The following WDR89 variants were observed in gnomAD, a reference collection of about 807,000 sequenced individuals.
The protein encoded by WDR89 is WD repeat domain 89, also known as WD repeat-containing protein 89.
A neutral mutation model predicts 29.1 loss-of-function variants in WDR89; 17 were observed. The observed-to-expected ratio is 0.58, with a 90% CI of 0.40 to 0.88. The LOEUF is 0.88. Among genes scored for constraint, WDR89 ranks in the 40% least tolerant of loss-of-function variants. The probability of loss-of-function intolerance (pLI) is 0.00; values close to 1 mark genes in which losing one functional copy is unlikely to be tolerated. For missense variants in WDR89, 396 were observed against 456.3 expected (o/e 0.87, Z 1.20); for synonymous variants, 138 against 157.8 (o/e 0.87, Z 0.94).
chr14:63,609,774 G>C (rs1269338197), intron 2 of WDR89, among the ~76,000 whole-genome samples: 2 of 151,658 alleles, frequency 1.3e-5, no homozygotes, highest in Non-Finnish European at 2.9e-5. Context: ...TGGAGACAGA[G>C]AGAAACTGTC....
intron 2 of WDR89, among the ~76,000 whole-genome samples, chr14:63,600,312 G>A (rs1485471935): frequency 6.6e-6 from 1 of 151,806 alleles, no homozygotes; most frequent in Admixed American, 6.6e-5. Context: ...TGAGCAACAT[G>A]GGGAGACCCC....
At position 63,617,387 on chromosome 14, in the gene WDR89, C is replaced by T. The variant is rs1882387824; in HGVS notation, c.-32+7541G>A. On this transcript the variant is annotated intron_variant, in intron 2 of 2. Coordinates refer to ENST00000620954, the MANE Select transcript of WDR89 (RefSeq NM_080666.4). ...TGCGCCACTGTGCCTGGCCTAATTA[C>T]AAGCTTTTAAGATAAGATGATTAAC... Among the ~76,000 whole-genome samples the T allele has an allele frequency of 4.0e-5, 6 of 151,452 alleles. No individual in the cohort carries two copies. In the South Asian group the frequency reaches 1.3e-3, roughly 32 times the overall value.
intron 2 of WDR89, among the ~76,000 whole-genome samples, chr14:63,613,584 A>G (rs939176055): frequency 3.3e-5 from 5 of 150,332 alleles, no homozygotes; most frequent in Admixed American, 2.7e-4. Context: ...GCTCACTGCA[A>G]CCTCCACCTC....
At chr14:63,641,146 C>T (rs951325765) in intron 1 of WDR89, among the ~76,000 whole-genome samples, 2 of 143,998 alleles carry the variant, frequency 1.4e-5, no homozygotes, top group African/African-American at 5.1e-5. Flanking sequence ...AAAAAGAAAA[C>T]AGGAGCAACA....
At position 63,599,331 on chromosome 14, in the gene WDR89, A is replaced by C. The variant is rs765012400; in HGVS notation, c.612T>G (p.Asn204Lys). The C allele has an allele frequency of 1.2e-5, 20 of 1,614,138 alleles. No individual in the cohort carries two copies. The South Asian group carries it at 2.2e-4, about 18-fold the overall frequency. ...LVNVFDINIDNEEDALVTTCN... is the reference protein window; with the variant it reads ...LVNVFDINIDKEEDALVTTCN... The stretch of plus-strand genomic sequence containing the variant: ...AGGTTGTAACCAGTGCATCCTCCTC[A>C]TTATCAATATTAATATCAAATACAT... Residue 204 changes from asparagine to lysine, a missense_variant, in exon 3 of 3, where the codon AAT (asparagine) becomes AAG (lysine). Asn to Lys is a moderately conservative substitution (Grantham distance 94). Transcript: ENST00000620954.
At chr14:63,607,533 C>T (rs917171048) in intron 2 of WDR89, among the ~76,000 whole-genome samples, 1 of 152,074 alleles carries the variant, frequency 6.6e-6, no homozygotes, top group African/African-American at 2.4e-5. Flanking sequence ...ATTATATTCC[C>T]CAAAAGTTAT....
At chr14:63,602,549 G>T (rs1895120124) in intron 2 of WDR89, among the ~76,000 whole-genome samples, 1 of 149,646 alleles carries the variant, frequency 6.7e-6, no homozygotes, top group African/African-American at 2.5e-5. Flanking sequence ...AAGGCGGGCA[G>T]ATCACCTGAG....
At chr14:63,607,325 G>A (rs1441277432) in intron 2 of WDR89, among the ~76,000 whole-genome samples, 1 of 151,968 alleles carries the variant, frequency 6.6e-6, no homozygotes, top group Admixed American at 6.6e-5. Context: ...ACCATGCCCG[G>A]CTAATTGTTT....
intron 2 of WDR89, among the ~76,000 whole-genome samples, chr14:63,604,629 T>C (rs565892868): frequency 1.3e-5 from 2 of 152,196 alleles, no homozygotes; most frequent in Non-Finnish European, 2.9e-5. Flanking sequence ...AATGGCACCA[T>C]ATTTATATGT....
intron 1 of WDR89, among the ~76,000 whole-genome samples, chr14:63,629,597 T>C (rs1883269480): frequency 6.6e-6 from 1 of 152,176 alleles, no homozygotes; most frequent in South Asian, 2.1e-4. Context: ...ATGCTGACTA[T>C]GAGGACAGAC....
At chr14:63,604,666 C>T (rs1595017291) in intron 2 of WDR89, among the ~76,000 whole-genome samples, 1 of 152,182 alleles carries the variant, frequency 6.6e-6, no homozygotes, top group Non-Finnish European at 1.5e-5. Context: ...GCTCTTTTCA[C>T]TCAATATAAT....
At position 63,599,308 on chromosome 14, in the gene WDR89, G is replaced by A; in HGVS notation, c.635C>T (p.Thr212Ile). The A allele has an allele frequency of 6.2e-7, 1 of 1,613,912 alleles. No individual in the cohort carries two copies. The highest frequency in any genetic ancestry group is 8.5e-7 in the Non-Finnish European group (1 of 1,180,020). ...IDNEEDALVT[T>I]CNSISSVSCI... is the part of the protein sequence containing the mutation. The stretch of plus-strand genomic sequence containing the variant: ...GCTTACTGATGAAATTGAGTTACAG[G>A]TTGTAACCAGTGCATCCTCCTCATT... The change falls in exon 3 of 3, where the codon ACC becomes ATC. Residue 212 changes from threonine (T) to isoleucine (I), a missense_variant. By Grantham distance (89) the Thr-to-Ile change is moderately conservative. Transcript: ENST00000620954.
At chr14:63,623,158 A>G (rs1882805501) in intron 2 of WDR89, among the ~76,000 whole-genome samples, 2 of 146,428 alleles carry the variant, frequency 1.4e-5, no homozygotes, top group Admixed American at 1.4e-4. Flanking sequence ...AGATCGCCCT[A>G]TTGCACTCCA....
intron 1 of WDR89, among the ~76,000 whole-genome samples, chr14:63,627,164 T>A (rs949312894): frequency 1.4e-4 from 20 of 142,836 alleles, no homozygotes; most frequent in Admixed American, 4.2e-4. Context: ...TCTCTCTCTC[T>A]CTCTCTCTCT....
At chr14:63,625,216 T>C (rs969215096) in intron 1 of WDR89, among the ~76,000 whole-genome samples, 183 bp from the exon 2 acceptor site, 24 of 152,180 alleles carry the variant, frequency 1.6e-4, no homozygotes, top group African/African-American at 5.8e-4. Flanking sequence ...AAAGCGTATA[T>C]ATTGTATGAT....
chr14:63,639,967 C>A (rs949987302), intron 1 of WDR89, among the ~76,000 whole-genome samples: 7 of 152,130 alleles, frequency 4.6e-5, no homozygotes, highest in Non-Finnish European at 1.5e-5. Context: ...GGAAAAACAC[C>A]CTGTATTTAC....
In WDR89 at chr14:63,610,219, T is replaced by TA. The variant is rs56984803; in HGVS notation, c.-31-10247dup. Among the ~76,000 whole-genome samples the TA allele has an allele frequency of 9.0e-3, 585 of 65,092 alleles. 18 individuals carry two copies. The highest frequency in any genetic ancestry group is 0.015 in the African/African-American group (207 of 13,920). 42.7% of individuals were successfully genotyped at this position (65,092 alleles called of 152,430 possible). On this transcript the variant is annotated intron_variant, in intron 2 of 2. Transcript: ENST00000620954. ...GGGGCGACAGAGTAAGACTCTGTCT[T>TA]AAAAAAAAAAAAAAAAAAAAAAAAA...
At chr14:63,638,362 A>C (rs1883883639) in intron 1 of WDR89, among the ~76,000 whole-genome samples, 1 of 152,240 alleles carries the variant, frequency 6.6e-6, no homozygotes, top group Non-Finnish European at 1.5e-5. Flanking sequence ...TTACGTGGGA[A>C]CATCAGTTGA....
At chr14:63,612,379 G>A (rs1184687769) in intron 2 of WDR89, among the ~76,000 whole-genome samples, 1 of 150,482 alleles carries the variant, frequency 6.6e-6, no homozygotes, top group African/African-American at 2.5e-5. Flanking sequence ...GGGCTAGAGT[G>A]TAGTGGTGGG....
Sources: allele counts gnomAD v4.1 joint callset (sites outside exome capture counted in the v4.1 genomes callset), GRCh38; gene constraint gnomAD v4.1.1; transcripts MANE v1.5; gene names NCBI Gene and HGNC (gene_info 2026-07-23, HGNC 2026-07-21).